The following XK variants were observed in gnomAD, a reference collection of about 807,000 sequenced individuals.
The protein encoded by XK is X-linked Kx blood group antigen, Kell and VPS13A binding protein, also known as endoplasmic reticulum membrane adapter protein XK.
XK carries 2 observed loss-of-function variants against 14.0 expected under a neutral mutation model. The observed-to-expected ratio is 0.14, with a 90% CI of 0.06 to 0.45. XK has a LOEUF of 0.45. XK is among the 20% of genes least tolerant of loss of function. The pLI is 0.98. For synonymous variants in XK, 149 were observed against 147.5 expected, an observed-to-expected ratio of 1.01 and a Z score of -0.08; for missense variants, 235 against 341.5, an observed-to-expected ratio of 0.69 and a Z score of 2.46.
rs41297338 is a variant in XK, at chrX:37,729,047, G to A, written c.*585G>A. On this transcript the variant is annotated 3_prime_UTR_variant, in exon 3 of 3. Transcript: ENST00000378616. ...CCAACTGTAGCCACCCTGGCATGCT[G>A]TCTCTAATTGATTCAAGGGCCTAGA... The A allele has an allele frequency of 8.9e-6, 1 of 111,985 alleles. No homozygotes were observed. The highest frequency in any genetic ancestry group is 1.9e-5 in the Non-Finnish European group (1 of 53,611). The allele number at this position is 111,985 out of a possible 1,213,427, so 9.2% of individuals were successfully genotyped here. A position where few individuals can be genotyped will look rare whatever the true frequency, so the allele number is the denominator to read the frequency against.
At position 37,697,506 on chromosome X, in the gene XK, C is replaced by T. The variant is rs781912847; in HGVS notation, c.508+2958C>T. Among the ~76,000 whole-genome samples the T allele has an allele frequency of 6.3e-5, 7 of 111,938 alleles. No individual in the cohort carries two copies. The South Asian group carries it at 2.6e-3, about 42-fold the overall frequency. On this transcript the variant is annotated intron_variant, in intron 2 of 2. Coordinates refer to ENST00000378616, the MANE Select transcript of XK (RefSeq NM_021083.4). ...GGACATAGAGTCCATCACAACATGA[C>T]CCTATTCAGCATTCAAATTCTGTAA...
intron 2 of XK, among the ~76,000 whole-genome samples, chrX:37,724,265 A>G (rs1556449563): frequency 9.0e-6 from 1 of 111,681 alleles, no homozygotes; most frequent in South Asian, 3.7e-4. Context: ...ACAGAATTAC[A>G]TAGAATTGAA....
chrX:37,701,213 A>G (rs1472032074), intron 2 of XK, among the ~76,000 whole-genome samples: 1 of 112,688 alleles, frequency 8.9e-6, no homozygotes, highest in Non-Finnish European at 1.9e-5. Flanking sequence ...GCATTCCCAG[A>G]AAAAATAATC....
At chrX:37,712,077 A>T (rs1010263321) in intron 2 of XK, among the ~76,000 whole-genome samples, 7 of 111,366 alleles carry the variant, frequency 6.3e-5, no homozygotes, top group African/African-American at 2.3e-4. Flanking sequence ...TGACTCTTGG[A>T]TTCCTAGGAA....
At position 37,694,471 on chromosome X, in the gene XK, C is replaced by G; in HGVS notation, c.431C>G (p.Ala144Gly). 1 of 1,190,845 alleles carries G rather than the reference C, an allele frequency of 8.4e-7. No individual in the cohort carries two copies. Among genetic ancestry groups the G allele is most frequent in the South Asian group, 1.8e-5 (1 of 54,550 alleles). ...TTCAGCCGGGCGTCGGTGATCCAGG[C>G]TTTCTTGGGCTCAGCCCCCCAGCTG... ...SAFSRASVIQ[A>G]FLGSAPQLTL... The change falls in exon 2 of 3, where the codon GCT (alanine) becomes GGT (glycine). Residue 144 changes from alanine to glycine, a missense_variant. Coordinates refer to ENST00000378616, the MANE Select transcript of XK (RefSeq NM_021083.4).
chrX:37,718,315 G>T (rs1556448231), intron 2 of XK, among the ~76,000 whole-genome samples: 1 of 111,256 alleles, frequency 9.0e-6, no homozygotes. Context: ...TTTTTCCTGG[G>T]TTTTAAAATT....
At chrX:37,692,076 GTTTA>G (rs1367340987) in intron 1 of XK, among the ~76,000 whole-genome samples, 1 of 111,726 alleles carries the variant, frequency 9.0e-6, no homozygotes, top group Non-Finnish European at 1.9e-5. Flanking sequence ...ATATATTAGG[GTTTA>G]TTTAATTATT....
At chrX:37,695,817 G>T (rs1927295745) in intron 2 of XK, among the ~76,000 whole-genome samples, 1 of 111,761 alleles carries the variant, frequency 8.9e-6, no homozygotes, top group African/African-American at 3.3e-5. Context: ...TAGAGATCTT[G>T]AACCTTAATG....
chrX:37,706,942 G>A (rs1369818190), intron 2 of XK, among the ~76,000 whole-genome samples: 1 of 110,534 alleles, frequency 9.0e-6, no homozygotes, highest in South Asian at 3.8e-4. Context: ...GAGAGCACAG[G>A]GTTGGGGGTA....
chrX:37,720,295 T>C (rs1405769238), intron 2 of XK, among the ~76,000 whole-genome samples: 1 of 111,014 alleles, frequency 9.0e-6, no homozygotes, highest in Non-Finnish European at 1.9e-5. Context: ...TACTCACTGC[T>C]TTGGAAGATC....
Position 37,685,840 on chromosome X carries a change from G to C in XK, c.-122G>C. ...CCGCGTGCCCTCGGCGGGCTGCGCA[G>C]AGCGCGGGAGCGGTTTGGGGCTGGG... On this transcript the variant is annotated 5_prime_UTR_variant, in exon 1 of 3. Coordinates refer to ENST00000378616, the MANE Select transcript of XK (RefSeq NM_021083.4). The C allele has an allele frequency of 1.3e-6, 1 of 784,573 alleles. No homozygotes were observed. 64.7% of individuals were successfully genotyped at this position (784,573 alleles called of 1,213,427 possible).
chrX:37,687,117 A>G (rs912202926), intron 1 of XK, among the ~76,000 whole-genome samples: 2 of 109,577 alleles, frequency 1.8e-5, no homozygotes, highest in Non-Finnish European at 3.8e-5. Context: ...GGCCAGAGAG[A>G]CACCTCAGCT....
rs1327043444 is a variant in XK at position 37,695,592 on chromosome X, G to A, written c.508+1044G>A. Among the ~76,000 whole-genome samples the A allele has an allele frequency of 4.5e-5, 5 of 111,858 alleles. No homozygotes were observed. The East Asian group carries it at 1.4e-3, about 31-fold the overall frequency. The stretch of plus-strand genomic sequence containing the variant: ...TATCGGTATACAAAATGATTTAAAA[G>A]CCGTAAGTTGAAAAAATACATGTTT... On this transcript the variant is annotated intron_variant, in intron 2 of 2. Transcript: ENST00000378616.
intron 2 of XK, among the ~76,000 whole-genome samples, chrX:37,696,793 C>T (rs1362651397): frequency 1.8e-5 from 2 of 112,213 alleles, no homozygotes; most frequent in Non-Finnish European, 3.8e-5. Flanking sequence ...AGTTGATGTC[C>T]CTGCCAATCC....
At chrX:37,709,085 G>T (rs1176897541) in intron 2 of XK, among the ~76,000 whole-genome samples, 6 of 111,956 alleles carry the variant, frequency 5.4e-5, no homozygotes, top group African/African-American at 1.6e-4. Context: ...GCTTTATCCA[G>T]CCACATACTT....
intron 2 of XK, among the ~76,000 whole-genome samples, chrX:37,701,464 C>T (rs1927415660): frequency 1.8e-5 from 2 of 112,518 alleles, no homozygotes; most frequent in South Asian, 7.3e-4. Flanking sequence ...TCCTTGGATC[C>T]TCTGTGGCCA....
intron 2 of XK, among the ~76,000 whole-genome samples, chrX:37,698,245 T>G (rs1927340029): frequency 9.0e-6 from 1 of 111,574 alleles, no homozygotes; most frequent in African/African-American, 3.3e-5. Context: ...GGCACTGTGA[T>G]AGGCATCCTT....
chrX:37,686,231 C>T, intron 1 of XK, 25 bp downstream of exon 1: 1 of 1,201,137 alleles, frequency 8.3e-7, no homozygotes, highest in Non-Finnish European at 1.1e-6. Context: ...CCAGAGCCAG[C>T]CCCAGGCCGC....
intron 1 of XK, among the ~76,000 whole-genome samples, chrX:37,693,962 G>A (rs782504175): frequency 8.9e-6 from 1 of 112,634 alleles, no homozygotes; most frequent in African/African-American, 3.2e-5. Context: ...CAGCTAGTAT[G>A]TGTCAGGAAG....
Sources: gnomAD v4.1 joint callset for allele counts (sites outside exome capture counted in the v4.1 genomes callset) on GRCh38, gnomAD v4.1.1 for gene constraint, MANE v1.5 for transcripts, NCBI Gene and HGNC (gene_info 2026-07-23, HGNC 2026-07-21) for gene names.